The following MAP2 variants were observed in gnomAD, a reference collection of about 807,000 sequenced individuals.
MAP2 encodes microtubule associated protein 2.
A neutral mutation model predicts 137.6 loss-of-function variants in MAP2; 14 were observed. The observed-to-expected ratio is 0.10, with a 90% CI of 0.07 to 0.16. The LOEUF is 0.16. MAP2 is among the 10% of genes least tolerant of loss of function. The pLI is 1.00. For missense variants in MAP2, 2,088 were observed against 2,191.5 expected (o/e 0.95, Z 0.94); for synonymous variants, 786 against 782.3 (o/e 1.00, Z -0.08).
At chr2:209,471,075 C>T (rs1705588890) in intron 1 of MAP2, among the ~76,000 whole-genome samples, 1 of 152,196 alleles carries the variant, frequency 6.6e-6, no homozygotes, top group Non-Finnish European at 1.5e-5. Flanking sequence ...CAAGGTTCTG[C>T]ATGGTCTGAC....
Position 209,692,665 on chromosome 2 carries a change from G to A in MAP2, c.495G>A (p.Gln165=), listed in dbSNP as rs753259873. 3 of 1,593,898 alleles carry A rather than the reference G, an allele frequency of 1.9e-6. No individual in the cohort carries two copies. The highest frequency in any genetic ancestry group is 1.9e-5 in the Admixed American group (1 of 53,806). ...CGAAGATGGAGTTCCACGATCAACA[G>A]GAATTGACTCCCTCTACAGCTGAGC... ...TASKMEFHDQ[Q]ELTPSTAEPS... is the part of the protein sequence containing the mutation. The change falls in exon 8 of 16, where the codon CAG becomes CAA. Residue 165 remains glutamine (Q), a synonymous_variant. Coordinates refer to ENST00000682079, the MANE Select transcript of MAP2 (RefSeq NM_001375505.1).
At chr2:209,699,507 C>T (rs1465841462) in intron 10 of MAP2, among the ~76,000 whole-genome samples, 1 of 152,094 alleles carries the variant, frequency 6.6e-6, no homozygotes, top group Non-Finnish European at 1.5e-5. Flanking sequence ...TCAGGTAAGT[C>T]ATCAACCAAA....
chr2:209,652,460 A>G (rs2094870020), intron 4 of MAP2, among the ~76,000 whole-genome samples: 1 of 152,202 alleles, frequency 6.6e-6, no homozygotes. Flanking sequence ...AAATTAAGTT[A>G]AAGCTATCTT....
At chr2:209,476,060 T>TA (rs1032973634) in intron 1 of MAP2, among the ~76,000 whole-genome samples, 14 of 150,988 alleles carry the variant, frequency 9.3e-5, no homozygotes, top group African/African-American at 1.7e-4. Context: ...CTTCTCATCT[T>TA]AAAAAAAAAC....
At chr2:209,440,244 T>G (rs1323450626) in intron 1 of MAP2, among the ~76,000 whole-genome samples, 5 of 151,486 alleles carry the variant, frequency 3.3e-5, no homozygotes, top group Non-Finnish European at 7.4e-5. Flanking sequence ...CAATGAATAG[T>G]TTTAGAGACA....
chr2:209,647,452 C>T (rs1509468), intron 4 of MAP2, among the ~76,000 whole-genome samples: 15,486 of 152,058 alleles, frequency 0.1, 952 homozygotes, highest in East Asian at 0.23. Flanking sequence ...GTTAAAAAGA[C>T]GAGAAATTAA....
At chr2:209,625,354 C>G (rs2092101589) in intron 4 of MAP2, among the ~76,000 whole-genome samples, 4 of 152,142 alleles carry the variant, frequency 2.6e-5, no homozygotes, top group Non-Finnish European at 5.9e-5. Context: ...AAGAAAATGA[C>G]AAGCTCTTTC....
chr2:209,572,203 A>G (rs1230521887), intron 2 of MAP2, among the ~76,000 whole-genome samples: 1 of 152,072 alleles, frequency 6.6e-6, no homozygotes, highest in East Asian at 1.9e-4. Context: ...AGTGATTTCT[A>G]GTTATCTTGT....
chr2:209,433,486 T>C (rs1574679387), intron 1 of MAP2, among the ~76,000 whole-genome samples: 1 of 152,112 alleles, frequency 6.6e-6, no homozygotes, highest in African/African-American at 2.4e-5. Flanking sequence ...CCAGGCCACA[T>C]TGGTCCTTTT....
intron 13 of MAP2, among the ~76,000 whole-genome samples, chr2:209,712,057 T>G (rs1002363448): frequency 2.0e-5 from 3 of 152,014 alleles, no homozygotes; most frequent in Non-Finnish European, 4.4e-5. Flanking sequence ...ACATAGAAAT[T>G]TTATAATATA....
At chr2:209,725,299 A>G (rs1397622188) in intron 13 of MAP2, among the ~76,000 whole-genome samples, 1 of 152,204 alleles carries the variant, frequency 6.6e-6, no homozygotes, top group Non-Finnish European at 1.5e-5. Flanking sequence ...GTCTTCTTGT[A>G]ACTATGAGCA....
chr2:209,480,996 C>A (rs1286236375), intron 1 of MAP2, among the ~76,000 whole-genome samples: 1 of 152,130 alleles, frequency 6.6e-6, no homozygotes, highest in Non-Finnish European at 1.5e-5. Context: ...AAAAGAGGTA[C>A]CAGTACCTTC....
chr2:209,693,813 A>G lies in MAP2; in HGVS notation c.1643A>G (p.Glu548Gly), dbSNP rs1222673534. The change falls in exon 8 of 16, where the codon GAA (glutamate) becomes GGA (glycine). Residue 548 changes from glutamate (E) to glycine (G), a missense_variant. By Grantham distance (98) the Glu-to-Gly change is moderately conservative (BLOSUM62 -2). Coordinates refer to ENST00000682079, the MANE Select transcript of MAP2 (RefSeq NM_001375505.1). ...EMRVDDKDKI[E>G]GVGAATSAEL... is the part of the protein sequence containing the mutation. ...AGAGTTGATGACAAAGATAAGATTG[A>G]AGGAGTTGGAGCTGCAACATCAGCT... 3.1e-6 allele frequency: 5 copies of G among 1,613,970 alleles called. No homozygotes were observed. Among genetic ancestry groups the G allele is most frequent in the Middle Eastern group, 1.6e-4 (1 of 6,082 alleles).
intron 1 of MAP2, among the ~76,000 whole-genome samples, chr2:209,441,234 ATCT>A (rs1442505477): frequency 1.3e-5 from 2 of 151,482 alleles, no homozygotes; most frequent in Admixed American, 6.6e-5. Context: ...AGAATAAAAA[ATCT>A]TCTTGAAAAA....
intron 2 of MAP2, among the ~76,000 whole-genome samples, chr2:209,508,651 A>G (rs1263028862): frequency 6.6e-6 from 1 of 151,558 alleles, no homozygotes. Context: ...TTCAGGTTCA[A>G]ACTGTGCTTT....
intron 1 of MAP2, among the ~76,000 whole-genome samples, chr2:209,454,633 G>A (rs113773136): frequency 0.024 from 3,670 of 152,250 alleles, 53 homozygotes; most frequent in Non-Finnish European, 0.034. Context: ...CACTGCACCT[G>A]TCCTAAATAC....
At chr2:209,636,928 A>T (rs534094189) in intron 4 of MAP2, among the ~76,000 whole-genome samples, 7 of 152,268 alleles carry the variant, frequency 4.6e-5, no homozygotes, top group African/African-American at 1.7e-4. Flanking sequence ...TCTTTCTGGC[A>T]TCCAGGATCT....
chr2:209,457,208 G>A (rs1450585558), intron 1 of MAP2, among the ~76,000 whole-genome samples: 2 of 152,150 alleles, frequency 1.3e-5, no homozygotes, highest in South Asian at 2.1e-4. Context: ...CGTGAAGGGC[G>A]TGAATGGCTT....
intron 2 of MAP2, among the ~76,000 whole-genome samples, chr2:209,539,721 A>G (rs774502256): frequency 2.8e-5 from 4 of 143,310 alleles, no homozygotes; most frequent in Non-Finnish European, 5.9e-5. Context: ...CTTTTTTTTT[A>G]TGTCTGTGAT....
Sources: gnomAD v4.1 joint callset for allele counts (sites outside exome capture counted in the v4.1 genomes callset) on GRCh38, gnomAD v4.1.1 for gene constraint, MANE v1.5 for transcripts, NCBI Gene and HGNC (gene_info 2026-07-23, HGNC 2026-07-21) for gene names.